The following FSTL4 variants were observed in gnomAD, a reference collection of about 807,000 sequenced individuals.
The protein encoded by FSTL4 is follistatin-related protein 4.
In FSTL4, 28 loss-of-function variants were observed where a neutral mutation model predicts 78.2. The ratio of observed to expected loss-of-function variants is 0.36; its 90% confidence interval spans 0.27 to 0.49. The LOEUF is 0.49. Among genes scored for constraint, FSTL4 ranks in the 20% least tolerant of loss-of-function variants. The pLI is 0.98. For missense variants in FSTL4, 922 were observed against 1,084.9 expected (o/e 0.85, Z 2.11); for synonymous variants, 422 against 440.5 (o/e 0.96, Z 0.53).
chr5:133,467,919 C>T (rs909058426), intron 3 of FSTL4, among the ~76,000 whole-genome samples: 1 of 152,182 alleles, frequency 6.6e-6, no homozygotes, highest in African/African-American at 2.4e-5. Context: ...TCTGAAATAA[C>T]AAAAGCAATT....
At chr5:133,596,211 G>C (rs1760734302) in intron 2 of FSTL4, among the ~76,000 whole-genome samples, 1 of 148,230 alleles carries the variant, frequency 6.7e-6, no homozygotes, top group Admixed American at 6.6e-5. Flanking sequence ...CTTTCAGCCT[G>C]AGCAGGGGAA....
chr5:133,702,845 A>G, the FSTL4 span, among the ~76,000 whole-genome samples: 3 of 152,214 alleles, frequency 2.0e-5, no homozygotes, highest in African/African-American at 7.2e-5. Context: ...CTGAAGAGGC[A>G]GGGCACTGGA....
chr5:133,254,975 G>A (rs1301895103), intron 6 of FSTL4, among the ~76,000 whole-genome samples: 1 of 152,210 alleles, frequency 6.6e-6, no homozygotes, highest in African/African-American at 2.4e-5. Context: ...CCACATGAGA[G>A]GAAGATGAAG....
the FSTL4 span, among the ~76,000 whole-genome samples, chr5:133,688,478 T>C: frequency 6.6e-6 from 1 of 152,196 alleles, no homozygotes; most frequent in Non-Finnish European, 1.5e-5. Flanking sequence ...AGAGAATAGA[T>C]GTTAGGAGAC....
chr5:133,249,982 G>A (rs145627119), intron 6 of FSTL4, among the ~76,000 whole-genome samples: 1 of 152,222 alleles, frequency 6.6e-6, no homozygotes, highest in Non-Finnish European at 1.5e-5. Context: ...TGCAGACAAG[G>A]TCTGCTGAGT....
intron 3 of FSTL4, among the ~76,000 whole-genome samples, chr5:133,422,352 G>C (rs1413002380): frequency 2.6e-5 from 4 of 152,234 alleles, no homozygotes; most frequent in Non-Finnish European, 4.4e-5. Flanking sequence ...AGGAGAAGCA[G>C]GGAGGCAGCC....
chr5:133,660,563 T>C, the FSTL4 span, among the ~76,000 whole-genome samples: 2 of 152,046 alleles, frequency 1.3e-5, no homozygotes, highest in African/African-American at 4.8e-5. Context: ...CAGCATGGAG[T>C]TACGTGTCTA....
chr5:133,384,517 G>C (rs1476973985), intron 4 of FSTL4, among the ~76,000 whole-genome samples: 1 of 152,220 alleles, frequency 6.6e-6, no homozygotes, highest in Admixed American at 6.5e-5. Context: ...ACCATCCTGG[G>C]GTGGGCAGGT....
At chr5:133,573,946 TATAAG>T (rs997559077) in intron 2 of FSTL4, among the ~76,000 whole-genome samples, 5 of 152,256 alleles carry the variant, frequency 3.3e-5, no homozygotes, top group African/African-American at 9.6e-5. Flanking sequence ...ACTAAGTCTC[TATAAG>T]ATATCAAGAG....
chr5:133,467,088 G>A (rs1473235204), intron 3 of FSTL4, among the ~76,000 whole-genome samples: 3 of 151,896 alleles, frequency 2.0e-5, no homozygotes, highest in Admixed American at 1.3e-4. Context: ...ATGTGTGAGT[G>A]TAAGAGTGTG....
chr5:133,655,080 C>T, the FSTL4 span, among the ~76,000 whole-genome samples: 1 of 152,190 alleles, frequency 6.6e-6, no homozygotes, highest in South Asian at 2.1e-4. Context: ...CCCAATATAG[C>T]TCAAGCTAGA....
the FSTL4 span, among the ~76,000 whole-genome samples, chr5:133,754,070 C>T: frequency 1.3e-5 from 2 of 152,200 alleles, no homozygotes; most frequent in Non-Finnish European, 2.9e-5. Context: ...ATCCCAGCCC[C>T]ATGTTCCGCC....
the FSTL4 span, among the ~76,000 whole-genome samples, chr5:133,805,471 T>C: frequency 4.6e-5 from 7 of 152,248 alleles, no homozygotes; most frequent in African/African-American, 1.7e-4. Context: ...TGAAAAGAAA[T>C]GTGCAGAAAT....
intron 3 of FSTL4, among the ~76,000 whole-genome samples, chr5:133,431,353 A>G (rs1240497733): frequency 1.3e-5 from 2 of 152,242 alleles, no homozygotes; most frequent in South Asian, 4.1e-4. Context: ...CTTGAACAAT[A>G]GAATGGAACA....
At chr5:133,557,696 A>C (rs1759818643) in intron 3 of FSTL4, among the ~76,000 whole-genome samples, 2 of 152,090 alleles carry the variant, frequency 1.3e-5, no homozygotes, top group Non-Finnish European at 2.9e-5. Context: ...ATGAAGGGGA[A>C]CCCCCAGAGA....
chr5:133,438,274 C>T (rs1365222712), intron 3 of FSTL4, among the ~76,000 whole-genome samples: 2 of 152,252 alleles, frequency 1.3e-5, no homozygotes, highest in Non-Finnish European at 2.9e-5. Context: ...ATTCCAAATA[C>T]TGCTCCATTA....
At chr5:133,832,766 T>A in the FSTL4 span, among the ~76,000 whole-genome samples, 4 of 152,324 alleles carry the variant, frequency 2.6e-5, no homozygotes, top group Admixed American at 2.0e-4. Flanking sequence ...GCAGATAACT[T>A]TTTTTATAAA....
the FSTL4 span, among the ~76,000 whole-genome samples, chr5:133,618,168 CAAT>C: frequency 3.3e-5 from 5 of 152,072 alleles, no homozygotes; most frequent in South Asian, 2.1e-4. Flanking sequence ...TTAACAACAA[CAAT>C]AATTCATAAC....
At chr5:133,496,963 C>T (rs1191822127) in intron 3 of FSTL4, among the ~76,000 whole-genome samples, 1 of 152,210 alleles carries the variant, frequency 6.6e-6, no homozygotes, top group Non-Finnish European at 1.5e-5. Context: ...CTACCCCAAT[C>T]CTCTTCCCTC....
Sources: gnomAD v4.1 joint callset for allele counts (sites outside exome capture counted in the v4.1 genomes callset) on GRCh38, gnomAD v4.1.1 for gene constraint, MANE v1.5 for transcripts, NCBI Gene and HGNC (gene_info 2026-07-23, HGNC 2026-07-21) for gene names.